The following NSMCE2 variants were observed in gnomAD, a reference collection of about 807,000 sequenced individuals.
NSMCE2 encodes the protein E3 SUMO-protein ligase NSE2.
Under a neutral mutation model 23.8 loss-of-function variants are expected in NSMCE2, and 24 were observed. That is an observed-to-expected ratio of 1.01 (90% CI 0.73 to 1.42). NSMCE2 has a LOEUF of 1.42. Ranked by LOEUF, NSMCE2 falls within the 40% of genes most tolerant of loss-of-function variation. The pLI, the probability that NSMCE2 is intolerant of heterozygous loss-of-function variation, is 0.00. For synonymous variants in NSMCE2, 92 were observed against 94.1 expected, an observed-to-expected ratio of 0.98 and a Z score of 0.13; for missense variants, 284 against 296.5, an observed-to-expected ratio of 0.96 and a Z score of 0.31.
At chr8:125,197,018 C>T (rs1246742794) in intron 5 of NSMCE2, among the ~76,000 whole-genome samples, 7 of 152,076 alleles carry the variant, frequency 4.6e-5, no homozygotes, top group African/African-American at 1.4e-4. Context: ...AGTGTCTGTT[C>T]GTATCCTTTG....
Position 125,333,505 on chromosome 8 carries a change from CTTTTTTTTTTT to C in NSMCE2, c.419-23697_419-23687del, listed in dbSNP as rs71295847. 1.2e-3 allele frequency among the ~76,000 whole-genome samples: 54 copies of C among 45,628 alleles called. 1 individual carries two copies. The highest frequency in any genetic ancestry group is 4.4e-3 in the African/African-American group (47 of 10,594). 29.9% of individuals were successfully genotyped at this position (45,628 alleles called of 152,430 possible). ...TTCTAATGTAGTTTTCCTGGTGGTT[CTTTTTTTTTTT>C]TTTTTTTTTTTTTTTTGAGACGGAG... On this transcript the variant is annotated intron_variant, in intron 5 of 7. Coordinates refer to ENST00000287437, the MANE Select transcript of NSMCE2 (RefSeq NM_173685.4).
intron 7 of NSMCE2, among the ~76,000 whole-genome samples, chr8:125,363,669 C>T (rs969089549): frequency 5.3e-4 from 8 of 15,224 alleles, no homozygotes; most frequent in East Asian, 3.5e-3. Flanking sequence ...GAGAGGAGGG[C>T]GGGGAGGGAG....
chr8:125,192,466 T>G (rs1444320199), intron 5 of NSMCE2, among the ~76,000 whole-genome samples: 1 of 152,156 alleles, frequency 6.6e-6, no homozygotes, highest in African/African-American at 2.4e-5. Flanking sequence ...ATGTTTCAAG[T>G]TAATATTGTA....
At chr8:125,110,707 T>A (rs1818690501) in intron 3 of NSMCE2, among the ~76,000 whole-genome samples, 1 of 151,936 alleles carries the variant, frequency 6.6e-6, no homozygotes, top group African/African-American at 2.4e-5. Flanking sequence ...CGTCATGGCC[T>A]GTGCAGTCAA....
chr8:125,211,980 C>T (rs796735833), intron 5 of NSMCE2, among the ~76,000 whole-genome samples: 7 of 152,242 alleles, frequency 4.6e-5, no homozygotes, highest in African/African-American at 1.7e-4. Flanking sequence ...ACCAGGTATC[C>T]TCATTTACTT....
At chr8:125,172,505 C>T (rs947209518) in intron 4 of NSMCE2, among the ~76,000 whole-genome samples, 11 of 152,064 alleles carry the variant, frequency 7.2e-5, no homozygotes, top group Admixed American at 3.3e-4. Flanking sequence ...TTTCTAAAAG[C>T]GAAAAATATG....
chr8:125,349,754 C>T (rs1812954886), intron 5 of NSMCE2, among the ~76,000 whole-genome samples: 1 of 152,118 alleles, frequency 6.6e-6, no homozygotes, highest in Non-Finnish European at 1.5e-5. Flanking sequence ...GTGGCCAGTA[C>T]CAAATGTATT....
chr8:125,316,638 ATTTCCTTCTTTCCTTC>A, intron 5 of NSMCE2, among the ~76,000 whole-genome samples: 1 of 34,138 alleles, frequency 2.9e-5, no homozygotes, highest in South Asian at 5.7e-4. Flanking sequence ...TCCTTTCTTT[ATTTCCTTCTTTCCTTC>A]TTTCCTTCCT....
chr8:125,295,604 G>C (rs111389551), intron 5 of NSMCE2, among the ~76,000 whole-genome samples: 20 of 152,208 alleles, frequency 1.3e-4, no homozygotes, highest in Non-Finnish European at 1.9e-4. Flanking sequence ...AGGGACAAAG[G>C]GGGTAAAGAA....
At chr8:125,263,770 A>G (rs548188655) in intron 5 of NSMCE2, among the ~76,000 whole-genome samples, 1 of 152,066 alleles carries the variant, frequency 6.6e-6, no homozygotes, top group East Asian at 1.9e-4. Flanking sequence ...AAAAAAAAAA[A>G]GAAGAGGCCT....
At chr8:125,115,742 T>A (rs78398259) in intron 3 of NSMCE2, among the ~76,000 whole-genome samples, 2,548 of 152,120 alleles carry the variant, frequency 0.017, 85 homozygotes, top group African/African-American at 0.059. Flanking sequence ...AAAAAAATAA[T>A]AATAAATAAA....
chr8:125,315,406 C>G (rs1829141216), intron 5 of NSMCE2, among the ~76,000 whole-genome samples: 1 of 152,178 alleles, frequency 6.6e-6, no homozygotes, highest in Non-Finnish European at 1.5e-5. Context: ...AGTTTTGAGT[C>G]AGACAGACCT....
intron 4 of NSMCE2, among the ~76,000 whole-genome samples, chr8:125,166,147 G>A (rs555090389): frequency 2.6e-5 from 4 of 152,264 alleles, no homozygotes; most frequent in Non-Finnish European, 5.9e-5. Flanking sequence ...CTATTTATTA[G>A]AAAAGTCATG....
At chr8:125,150,234 T>C (rs946075663) in intron 3 of NSMCE2, among the ~76,000 whole-genome samples, 10 of 152,168 alleles carry the variant, frequency 6.6e-5, no homozygotes, top group Non-Finnish European at 1.3e-4. Flanking sequence ...TACAAAGAGT[T>C]GGGATCTCAG....
intron 5 of NSMCE2, among the ~76,000 whole-genome samples, chr8:125,237,584 T>G (rs1331526595): frequency 6.6e-6 from 1 of 152,210 alleles, no homozygotes; most frequent in Non-Finnish European, 1.5e-5. Flanking sequence ...AGGAGATAAT[T>G]CACTATCAGG....
At chr8:125,345,783 T>C (rs1830410440) in intron 5 of NSMCE2, among the ~76,000 whole-genome samples, 1 of 152,080 alleles carries the variant, frequency 6.6e-6, no homozygotes, top group Non-Finnish European at 1.5e-5. Context: ...ATATGGGGGA[T>C]AGGATTGAAG....
At chr8:125,256,642 A>G (rs1826429968) in intron 5 of NSMCE2, among the ~76,000 whole-genome samples, 1 of 151,444 alleles carries the variant, frequency 6.6e-6, no homozygotes, top group Admixed American at 6.6e-5. Context: ...AAAGAAGAGG[A>G]CTGTTGGGTG....
chr8:125,173,546 A>G (rs909864806), intron 4 of NSMCE2, among the ~76,000 whole-genome samples: 1 of 152,216 alleles, frequency 6.6e-6, no homozygotes, highest in Non-Finnish European at 1.5e-5. Flanking sequence ...AAGAAGAGCA[A>G]TCCATTAGCA....
At chr8:125,343,180 G>T (rs1830309036) in intron 5 of NSMCE2, among the ~76,000 whole-genome samples, 1 of 152,144 alleles carries the variant, frequency 6.6e-6, no homozygotes, top group African/African-American at 2.4e-5. Flanking sequence ...TTCGGGGTCA[G>T]TGGGTGAGGG....
Sources: allele counts gnomAD v4.1 joint callset (sites outside exome capture counted in the v4.1 genomes callset), GRCh38; gene constraint gnomAD v4.1.1; transcripts MANE v1.5; gene names NCBI Gene and HGNC (gene_info 2026-07-23, HGNC 2026-07-21).